ZNF280D: variants seen among roughly 807,000 people sequenced by gnomAD.
The protein encoded by ZNF280D is zinc finger protein 280D.
A neutral mutation model predicts 94.7 loss-of-function variants in ZNF280D; 39 were observed. The ratio of observed to expected loss-of-function variants is 0.41; its 90% CI spans 0.32 to 0.54. The LOEUF (loss-of-function observed/expected upper bound fraction) is 0.54. ZNF280D is among the 20% of genes least tolerant of loss of function. The pLI is 0.22. For synonymous variants in ZNF280D, 398 were observed against 377.6 expected (o/e 1.05, Z -0.63); for missense variants, 1,090 against 1,149.3 (o/e 0.95, Z 0.75).
At chr15:56,719,711 G>T (rs1391802018) in intron 1 of ZNF280D, among the ~76,000 whole-genome samples, 2 of 151,824 alleles carry the variant, frequency 1.3e-5, no homozygotes, top group Non-Finnish European at 2.9e-5. Flanking sequence ...GATATTGAGG[G>T]CTCTGTTCCA....
At chr15:56,713,868 T>A (rs1002395575) in intron 1 of ZNF280D, among the ~76,000 whole-genome samples, 2 of 152,152 alleles carry the variant, frequency 1.3e-5, no homozygotes. Flanking sequence ...GTAACAGGAT[T>A]AGAAAAGCAG....
chr15:56,694,325 ACACACACACACAC>A (rs2056611156), intron 6 of ZNF280D, among the ~76,000 whole-genome samples: 1 of 151,592 alleles, frequency 6.6e-6, no homozygotes, highest in African/African-American at 2.4e-5. Flanking sequence ...ACACACACAC[ACACACACACACAC>A]AAGTATACTC....
At chr15:56,669,780 T>C (rs1488106675) in intron 13 of ZNF280D, among the ~76,000 whole-genome samples, 1 of 125,730 alleles carries the variant, frequency 8.0e-6, no homozygotes, top group Non-Finnish European at 1.6e-5. Context: ...CATAGCTAGT[T>C]ACTGACATTA....
Position 56,682,368 on chromosome 15 carries a change from A to G in ZNF280D, c.890T>C (p.Met297Thr). 1 of 1,596,360 alleles carries G rather than the reference A, an allele frequency of 6.3e-7. No homozygotes were observed. The highest frequency in any genetic ancestry group is 8.5e-7 in the Non-Finnish European group (1 of 1,175,478). Residue 297 changes from methionine to threonine, a missense_variant, in exon 10 of 22, where the codon ATG (methionine) becomes ACG (threonine). Met to Thr is a moderately conservative substitution (Grantham distance 81, BLOSUM62 -1). Coordinates refer to ENST00000267807, the MANE Select transcript of ZNF280D (RefSeq NM_017661.4). ...TCCATAATAAAAGTCATTAACTAACATGATCAATTTTCCTTTCTCTGAATC... is the reference window on the plus strand; with the variant it reads ...TCCATAATAAAAGTCATTAACTAACGTGATCAATTTTCCTTTCTCTGAATC... ...TIDSEKGKLI[M>T]LVNDFYYGKH...
intron 9 of ZNF280D, among the ~76,000 whole-genome samples, chr15:56,685,819 A>T (rs551517299): frequency 1.3e-5 from 2 of 152,196 alleles, no homozygotes; most frequent in Non-Finnish European, 1.5e-5. Flanking sequence ...TTTAAAAAAG[A>T]GAGAAAGAAA....
At chr15:56,714,157 G>C (rs956000929) in intron 1 of ZNF280D, among the ~76,000 whole-genome samples, 1 of 152,034 alleles carries the variant, frequency 6.6e-6, no homozygotes, top group Non-Finnish European at 1.5e-5. Flanking sequence ...ATCTTTTTCA[G>C]AATCAGTCCA....
intron 17 of ZNF280D, among the ~76,000 whole-genome samples, chr15:56,656,299 T>C (rs1216753240): frequency 1.3e-5 from 2 of 152,210 alleles, no homozygotes; most frequent in Non-Finnish European, 2.9e-5. Flanking sequence ...ATCATTGTCA[T>C]ATAGAATTAT....
intron 1 of ZNF280D, among the ~76,000 whole-genome samples, chr15:56,725,289 T>C (rs1400018525): frequency 6.6e-6 from 1 of 151,580 alleles, no homozygotes; most frequent in Non-Finnish European, 1.5e-5. Flanking sequence ...AAAAAAGATG[T>C]GTGGTTGACT....
intron 1 of ZNF280D, chr15:56,732,507 A>C (rs1238801302): frequency 5.3e-5 from 8 of 152,214 alleles, no homozygotes; most frequent in Admixed American, 4.6e-4. Flanking sequence ...TGTGCTTTAA[A>C]ACTGTCCTTC....
chr15:56,633,957 T>C (rs1388740627), intron 21 of ZNF280D: 1 of 152,190 alleles, frequency 6.6e-6, no homozygotes, highest in Non-Finnish European at 1.5e-5. Flanking sequence ...AGTTAATATA[T>C]TATTTTTTAT....
Position 56,701,226 on chromosome 15 carries a change from C to G in ZNF280D, c.188G>C (p.Arg63Thr). The change falls in exon 5 of 22, where the codon AGA becomes ACA. Residue 63 changes from arginine (R) to threonine (T), a missense_variant. By Grantham distance (71) the Arg-to-Thr change is moderately conservative. Around this residue, in one of 3 missense-constraint regions of ZNF280D, gnomAD observed 386 missense variants for 372.0 expected, o/e 1.04. Transcript: ENST00000267807. ...SKPAISNILN[R>T]VNPSSYSRGL... ...CCTTGAATATGAGCTGGGGTTAACT[C>G]TGTTCAAAATATCTATAAAAGATTA... 1 of 1,560,594 alleles carries G rather than the reference C, an allele frequency of 6.4e-7. No individual in the cohort carries two copies.
At chr15:56,654,128 GA>G (rs1179368004) in intron 19 of ZNF280D, 69 bp downstream of exon 19, 16 of 1,559,396 alleles carry the variant, frequency 1.0e-5, no homozygotes, top group Non-Finnish European at 5.2e-6. Flanking sequence ...TCGTATTAAT[GA>G]TACATTTAAA....
At chr15:56,664,099 A>G (rs1202978628) in intron 16 of ZNF280D, among the ~76,000 whole-genome samples, 2 of 152,192 alleles carry the variant, frequency 1.3e-5, no homozygotes, top group Non-Finnish European at 2.9e-5. Flanking sequence ...TTAAAAAGTG[A>G]GTGACAACAA....
chr15:56,707,556 G>C (rs1292223750), intron 1 of ZNF280D, among the ~76,000 whole-genome samples: 1 of 152,058 alleles, frequency 6.6e-6, no homozygotes, highest in Non-Finnish European at 1.5e-5. Flanking sequence ...AAAGTATTTA[G>C]TAAAAACGAG....
chr15:56,694,757 T>A (rs1201912856), intron 6 of ZNF280D, among the ~76,000 whole-genome samples: 2 of 152,026 alleles, frequency 1.3e-5, no homozygotes, highest in African/African-American at 2.4e-5. Context: ...AAGAAGTAAC[T>A]GCAAGTATCC....
At chr15:56,686,930 TTATTGTAGAATATTTGA>T in intron 9 of ZNF280D, among the ~76,000 whole-genome samples, 1 of 152,112 alleles carries the variant, frequency 6.6e-6, no homozygotes, top group East Asian at 1.9e-4. Context: ...ATTTTTCTAA[TTATTGTAGAATATTTGA>T]TATTTTAAAT....
At chr15:56,656,931 G>C (rs1458806743) in intron 17 of ZNF280D, among the ~76,000 whole-genome samples, 1 of 152,092 alleles carries the variant, frequency 6.6e-6, no homozygotes, top group Non-Finnish European at 1.5e-5. Flanking sequence ...CAAAGTAGAG[G>C]CCTAAAGGAG....
intron 20 of ZNF280D, 145 bp from the exon 21 acceptor site, chr15:56,635,395 AT>A (rs2052305952): frequency 4.4e-6 from 1 of 227,552 alleles, no homozygotes; most frequent in African/African-American, 2.3e-5. Flanking sequence ...AATATAAAAT[AT>A]AATTAGAATA....
chr15:56,706,990 T>C (rs2057443977), intron 3 of ZNF280D, 92 bp downstream of exon 3: 18 of 1,318,876 alleles, frequency 1.4e-5, no homozygotes, highest in Non-Finnish European at 1.9e-5. Context: ...TTTTGTTTTT[T>C]AAAAAATGTC....
Sources: allele counts gnomAD v4.1 joint callset (sites outside exome capture counted in the v4.1 genomes callset), GRCh38; gene constraint gnomAD v4.1.1; regional missense constraint gnomAD v4.1.1; transcripts MANE v1.5; gene names NCBI Gene and HGNC (gene_info 2026-07-23, HGNC 2026-07-21).